The following HNRNPLL variants were observed in gnomAD, a reference collection of about 807,000 sequenced individuals.
HNRNPLL encodes the protein heterogeneous nuclear ribonucleoprotein L-like.
Under a neutral mutation model 67.1 loss-of-function variants are expected in HNRNPLL, and 25 were observed. The observed-to-expected ratio is 0.37, with a 90% CI of 0.27 to 0.52. The LOEUF (loss-of-function observed/expected upper bound fraction) is 0.52. Ranked by LOEUF, HNRNPLL falls within the 20% of genes least tolerant of loss-of-function variation. The pLI, the probability that HNRNPLL is intolerant of heterozygous loss-of-function variation, is 0.90. For missense variants in HNRNPLL, 542 were observed against 673.9 expected (o/e 0.80, Z 2.17); for synonymous variants, 267 against 241.7 (o/e 1.10, Z -0.97).
intron 8 of HNRNPLL, 100 bp from the exon 9 acceptor site, chr2:38,570,025 G>T: frequency 1.3e-6 from 1 of 763,804 alleles, no homozygotes; most frequent in Non-Finnish European, 2.1e-6. Flanking sequence ...AGTAAAATAC[G>T]GAAGATCACC....
intron 6 of HNRNPLL, among the ~76,000 whole-genome samples, chr2:38,578,227 G>A (rs1379897926): frequency 6.6e-6 from 1 of 152,026 alleles, no homozygotes; most frequent in African/African-American, 2.4e-5. Flanking sequence ...ATTATTGGAT[G>A]AGAATACTAC....
At chr2:38,579,536 T>C (rs1229538812) in intron 6 of HNRNPLL, among the ~76,000 whole-genome samples, 1 of 152,062 alleles carries the variant, frequency 6.6e-6, no homozygotes, top group African/African-American at 2.4e-5. Context: ...TATCAGTTTC[T>C]AAACAGTGGT....
In HNRNPLL at chr2:38,564,088, A is replaced by G. The variant is rs1665754000; in HGVS notation, c.*94T>C. 1 of 806,844 alleles carries G rather than the reference A, an allele frequency of 1.2e-6. No homozygotes were observed. The highest frequency in any genetic ancestry group is 1.9e-5 in the Admixed American group (1 of 51,868). 50.0% of individuals were successfully genotyped at this position (806,844 alleles called of 1,614,324 possible). A position where few individuals can be genotyped will look rare whatever the true frequency, so the allele number is the denominator to read the frequency against. On this transcript the variant is annotated 3_prime_UTR_variant, in exon 13 of 13. Coordinates refer to ENST00000449105, the MANE Select transcript of HNRNPLL (RefSeq NM_138394.4). ...ACAGGATCTTAAAGTAAGCAAGGCA[A>G]CATGAGATCAACCATTTTAGATTTT...
intron 4 of HNRNPLL, among the ~76,000 whole-genome samples, chr2:38,582,932 C>T (rs1666591636): frequency 6.6e-6 from 1 of 151,638 alleles, no homozygotes; most frequent in Admixed American, 6.6e-5. Flanking sequence ...GAACTATCTA[C>T]CTTAATTCTT....
At chr2:38,569,757 G>C (rs935872392) in intron 9 of HNRNPLL, 47 bp downstream of exon 9, 6 of 1,055,478 alleles carry the variant, frequency 5.7e-6, no homozygotes, top group Non-Finnish European at 8.1e-6. Flanking sequence ...AAAGGACAAA[G>C]ATTTTTAAAT....
intron 7 of HNRNPLL, among the ~76,000 whole-genome samples, chr2:38,574,274 T>A (rs1184383639): frequency 2.6e-5 from 4 of 151,760 alleles, no homozygotes; most frequent in African/African-American, 9.7e-5. Flanking sequence ...ACACTCAAAG[T>A]AGACACAGGG....
At chr2:38,593,862 C>CA (rs11449195) in intron 1 of HNRNPLL, among the ~76,000 whole-genome samples, 107,402 of 141,530 alleles carry the variant, frequency 0.76, 41,350 homozygotes, top group African/African-American at 0.89. Flanking sequence ...GACTCCGTCT[C>CA]AAAAAAAAAA....
In HNRNPLL at chr2:38,564,109, AT is replaced by A. The variant is rs567988986; in HGVS notation, c.*72del. 595 of 897,428 alleles carry A rather than the reference AT, an allele frequency of 6.6e-4. No individual in the cohort carries two copies. The highest frequency in any genetic ancestry group is 8.2e-4 in the Non-Finnish European group (444 of 543,522). 55.6% of individuals were successfully genotyped at this position (897,428 alleles called of 1,614,324 possible). ...GGCAACATGAGATCAACCATTTTAG[AT>A]TTTTTTTTAATGAAGTGTAGCTTTG... is the stretch of plus-strand genomic sequence containing the variant. On this transcript the variant is annotated 3_prime_UTR_variant, in exon 13 of 13. Transcript: ENST00000449105.
At chr2:38,578,059 A>T (rs1666367531) in intron 6 of HNRNPLL, 9 of 463,992 alleles carry the variant, frequency 1.9e-5, no homozygotes, top group Admixed American at 1.9e-4. Flanking sequence ...GTATATGCAC[A>T]TATTTACAAA....
chr2:38,573,348 T>C lies in HNRNPLL; in HGVS notation c.954A>G (p.Pro318=), dbSNP rs1365033093. The stretch of plus-strand genomic sequence containing the variant: ...TGTAAGAGGAAGAAGCCTGTGGTAA[T>C]GGATAAGCAACAAGTTCAGGTGTAT... ...SRDTPELVAY[P]LPQASSSYMH... is the part of the protein sequence containing the mutation. The change falls in exon 8 of 13, where the codon CCA becomes CCG. Residue 318 remains proline (P), a synonymous_variant. Transcript: ENST00000449105. The C allele has an allele frequency of 3.7e-6, 6 of 1,612,622 alleles. No individual in the cohort carries two copies. Among genetic ancestry groups the C allele is most frequent in the East Asian group, 2.2e-5 (1 of 44,838 alleles).
In HNRNPLL at chr2:38,596,540, G is replaced by A. The variant is rs139198680; in HGVS notation, c.190-4892C>T. Among the ~76,000 whole-genome samples the A allele has an allele frequency of 1.4e-4, 22 of 152,234 alleles. No homozygotes were observed. The East Asian group carries it at 4.2e-3, about 29-fold the overall frequency. On this transcript the variant is annotated intron_variant, in intron 1 of 12. Transcript: ENST00000449105. ...CCCGAAGTGTTGGGATTACAGCTGT[G>A]AGCCACCGCGCCCCGCCTGTAGAGA...
chr2:38,566,567 T>C (rs901236961), intron 12 of HNRNPLL, among the ~76,000 whole-genome samples: 17 of 152,084 alleles, frequency 1.1e-4, no homozygotes, highest in African/African-American at 4.1e-4. Context: ...TATTTTCATA[T>C]ATCACGGTTG....
chr2:38,564,016 T>C lies in HNRNPLL; in HGVS notation c.*166A>G. Reference sequence around the variant, plus strand: ...TCTTAAAATGAAAACAATTCAATATTTAAGCTTACAACAAATTTACTCAAG... The same window carrying C: ...TCTTAAAATGAAAACAATTCAATATCTAAGCTTACAACAAATTTACTCAAG... On this transcript the variant is annotated 3_prime_UTR_variant, in exon 13 of 13. Coordinates refer to ENST00000449105, the MANE Select transcript of HNRNPLL (RefSeq NM_138394.4). 2 of 585,958 alleles carry C rather than the reference T, an allele frequency of 3.4e-6. No individual in the cohort carries two copies. The highest frequency in any genetic ancestry group is 5.9e-5 in the East Asian group (2 of 33,970). The allele number at this position is 585,958 out of a possible 1,614,324, so 36.3% of individuals were successfully genotyped here. A position where few individuals can be genotyped will look rare whatever the true frequency, so the allele number is the denominator to read the frequency against.
In HNRNPLL at chr2:38,573,192, A is replaced by G. The variant is rs3765001; in HGVS notation, c.1092+18T>C. On this transcript the variant is annotated intron_variant, in intron 8 of 12. Coordinates refer to ENST00000449105, the MANE Select transcript of HNRNPLL (RefSeq NM_138394.4). ...CTGAATATCCTAGCAAAAGAAACCAATATAAAGAGAAACTTACCTTCTCAA... is the reference window on the plus strand; with the variant it reads ...CTGAATATCCTAGCAAAAGAAACCAGTATAAAGAGAAACTTACCTTCTCAA... 26,402 of 1,530,398 alleles carry G rather than the reference A, an allele frequency of 0.017. 466 individuals carry two copies. Among genetic ancestry groups the G allele is most frequent in the South Asian group, 0.06 (5,084 of 84,906 alleles). The allele number at this position is 1,530,398 out of a possible 1,614,324, so 94.8% of individuals were successfully genotyped here. A position where few individuals can be genotyped will look rare whatever the true frequency, so the allele number is the denominator to read the frequency against.
At chr2:38,578,125 T>C (rs1274379646) in intron 6 of HNRNPLL, 1 of 412,634 alleles carries the variant, frequency 2.4e-6, no homozygotes, top group African/African-American at 2.1e-5. Flanking sequence ...ATATCATGAA[T>C]AGGTCATTGT....
At chr2:38,591,314 T>G (rs148409811) in intron 2 of HNRNPLL, among the ~76,000 whole-genome samples, 2 of 152,306 alleles carry the variant, frequency 1.3e-5, no homozygotes, top group Non-Finnish European at 2.9e-5. Flanking sequence ...GAAGTGATCA[T>G]AGCTCCACAA....
intron 12 of HNRNPLL, among the ~76,000 whole-genome samples, chr2:38,567,042 C>G (rs1306261286): frequency 6.6e-6 from 1 of 151,826 alleles, no homozygotes; most frequent in Non-Finnish European, 1.5e-5. Context: ...GAAATAGCTC[C>G]AAGATATAGT....
intron 1 of HNRNPLL, among the ~76,000 whole-genome samples, chr2:38,596,524 T>C: frequency 6.6e-6 from 1 of 152,146 alleles, no homozygotes; most frequent in Non-Finnish European, 1.5e-5. Context: ...TCCCGAAGTG[T>C]TGGGATTACA....
rs994588851 is a variant in HNRNPLL at position 38,585,784 on chromosome 2, C to T, written c.406G>A (p.Val136Met). ...ECVTFAADEP[V>M]YIAGQQAFFN... is the part of the protein sequence containing the mutation. The stretch of plus-strand genomic sequence containing the variant: ...AAAGCCTGTTGACCAGCAATGTACA[C>T]GGGTTCATCTGCAGCAAATGTCACA... Residue 136 changes from valine (V) to methionine (M), a missense_variant, in exon 3 of 13, where the codon GTG becomes ATG. Physicochemically the swap from Val to Met is conservative, Grantham distance 21. Coordinates refer to ENST00000449105, the MANE Select transcript of HNRNPLL (RefSeq NM_138394.4). The T allele has an allele frequency of 1.9e-6, 3 of 1,613,542 alleles. No homozygotes were observed. The highest frequency in any genetic ancestry group is 1.7e-6 in the Non-Finnish European group (2 of 1,179,530).
Sources: allele counts gnomAD v4.1 joint callset (sites outside exome capture counted in the v4.1 genomes callset), GRCh38; gene constraint gnomAD v4.1.1; transcripts MANE v1.5; gene names NCBI Gene and HGNC (gene_info 2026-07-23, HGNC 2026-07-21).